RPS6KA2: variants seen among roughly 807,000 people sequenced by gnomAD.
RPS6KA2 encodes ribosomal protein S6 kinase alpha-2.
RPS6KA2 carries 42 observed loss-of-function variants against 91.8 expected under a neutral mutation model. The observed-to-expected ratio is 0.46, with a 90% CI of 0.36 to 0.59. RPS6KA2 has a LOEUF of 0.59. Ranked by LOEUF, RPS6KA2 falls within the 20% of genes least tolerant of loss-of-function variation. RPS6KA2 has a pLI of 0.00. For missense variants in RPS6KA2, 798 were observed against 978.5 expected (o/e 0.82, Z 2.46); for synonymous variants, 414 against 393.6 (o/e 1.05, Z -0.61).
intron 2 of RPS6KA2, among the ~76,000 whole-genome samples, chr6:166,738,394 G>A (rs770116452): frequency 6.6e-6 from 1 of 152,142 alleles, no homozygotes; most frequent in Non-Finnish European, 1.5e-5. Context: ...GATGGTCCAG[G>A]GAGAAGAAAA....
intron 1 of RPS6KA2, among the ~76,000 whole-genome samples, chr6:166,559,066 T>C (rs1784262573): frequency 6.6e-6 from 1 of 152,232 alleles, no homozygotes; most frequent in Non-Finnish European, 1.5e-5. Flanking sequence ...ATAAACTTGC[T>C]ATGCTCCATC....
chr6:166,850,330 TA>T (rs11307248), intron 2 of RPS6KA2, among the ~76,000 whole-genome samples: 53,305 of 149,988 alleles, frequency 0.36, 9,964 homozygotes, highest in East Asian at 0.67. Flanking sequence ...TCCACTCAAT[TA>T]AAAAAAAAAC....
chr6:166,538,930 G>GTTT, intron 1 of RPS6KA2, 146 bp from the exon 2 acceptor site: 1 of 506,410 alleles, frequency 2.0e-6, no homozygotes, highest in African/African-American at 2.0e-5. Flanking sequence ...CCATTTAGTT[G>GTTT]TGTTTTTTTC....
intron 2 of RPS6KA2, among the ~76,000 whole-genome samples, chr6:166,673,989 T>C (rs1490036041): frequency 1.3e-5 from 2 of 152,254 alleles, no homozygotes; most frequent in African/African-American, 4.8e-5. Context: ...TATGGAGCTG[T>C]TGCTATCTTC....
chr6:166,432,434 G>A lies in RPS6KA2; in HGVS notation c.1389C>T (p.Tyr463=), dbSNP rs117157669. The change falls in exon 15 of 21, where the codon TAC becomes TAT. Residue 463 remains tyrosine, a synonymous_variant. Transcript: ENST00000265678. ...GGGTGATGATGTTCGGGTGCTGGCC[G>A]TACCGCAGGAGGATCTCAATCTCTT... is the stretch of plus-strand genomic sequence containing the variant. The part of the protein sequence containing the change: ...PSEEIEILLR[Y]GQHPNIITLK... 1.9e-5 allele frequency: 31 copies of A among 1,613,548 alleles called. No individual in the cohort carries two copies. The highest frequency in any genetic ancestry group is 2.3e-5 in the Non-Finnish European group (27 of 1,179,548).
chr6:166,601,080 G>A (rs1383940556), intron 1 of RPS6KA2, among the ~76,000 whole-genome samples: 1 of 152,174 alleles, frequency 6.6e-6, no homozygotes, highest in Non-Finnish European at 1.5e-5. Context: ...AACTAACCAC[G>A]TGGCCTATCT....
intron 2 of RPS6KA2, among the ~76,000 whole-genome samples, chr6:166,751,566 G>C (rs1401764357): frequency 5.9e-5 from 9 of 152,240 alleles, no homozygotes; most frequent in Non-Finnish European, 1.2e-4. Flanking sequence ...TTCTCTGCTG[G>C]CCTAGGTGTC....
Position 166,595,735 on chromosome 6 carries a change from C to T in RPS6KA2, c.99+31186G>A, listed in dbSNP as rs536531967. On this transcript the variant is annotated intron_variant, in intron 1 of 20. Transcript: ENST00000265678. ...AATGATCTTAAGGAAGTCATTCTGT[C>T]CTTACATGATCTACCAGTCAAGGAA... Among the ~76,000 whole-genome samples, 6 of 152,318 alleles carry T rather than the reference C, an allele frequency of 3.9e-5. No homozygotes were observed. In the South Asian group the frequency reaches 1.2e-3, roughly 32 times the overall value.
chr6:166,447,038 A>G (rs892495091), intron 14 of RPS6KA2, among the ~76,000 whole-genome samples: 15 of 152,234 alleles, frequency 9.9e-5, no homozygotes, highest in African/African-American at 3.6e-4. Flanking sequence ...CTGGGTATGC[A>G]GATGGTAGGC....
At chr6:166,708,158 T>C (rs987227840) in intron 2 of RPS6KA2, among the ~76,000 whole-genome samples, 5 of 152,252 alleles carry the variant, frequency 3.3e-5, no homozygotes, top group Admixed American at 6.5e-5. Context: ...GTGTTTTTTA[T>C]TGGATCTAGA....
Position 166,448,031 on chromosome 6 carries a change from T to C in RPS6KA2, c.1332+693A>G, listed in dbSNP as rs3752927. On this transcript the variant is annotated intron_variant, in intron 14 of 20. Transcript: ENST00000265678. This position sits in a 1 kb window ranked among gnomAD's most constrained non-coding sequence, Gnocchi z 4.7. Reference sequence around the variant, plus strand: ...CCACATTTTACTAACCAAAAATCTCTAGAAACTGGTATTCTGGATTCCCAG... The same window carrying C: ...CCACATTTTACTAACCAAAAATCTCCAGAAACTGGTATTCTGGATTCCCAG... 0.67 allele frequency among the ~76,000 whole-genome samples: 101,419 copies of C among 152,106 alleles called. 34,097 individuals are homozygous for C. The highest frequency in any genetic ancestry group is 0.79 in the East Asian group (4,069 of 5,180).
intron 2 of RPS6KA2, among the ~76,000 whole-genome samples, chr6:166,641,467 T>C (rs1787429254): frequency 6.6e-6 from 1 of 151,914 alleles, no homozygotes; most frequent in African/African-American, 2.4e-5. Context: ...CTCATGCTTA[T>C]AATCCCAGCA....
chr6:166,760,094 C>T (rs1312823061), intron 2 of RPS6KA2, among the ~76,000 whole-genome samples: 1 of 152,116 alleles, frequency 6.6e-6, no homozygotes, highest in African/African-American at 2.4e-5. Flanking sequence ...TTCAAATACA[C>T]AGGAATAAAA....
intron 2 of RPS6KA2, among the ~76,000 whole-genome samples, chr6:166,683,005 G>C (rs987159311): frequency 2.0e-5 from 3 of 152,168 alleles, no homozygotes; most frequent in African/African-American, 7.2e-5. Flanking sequence ...GAGAAACTAG[G>C]GGAAGGCCTA....
Position 166,418,424 on chromosome 6 carries a change from G to A in RPS6KA2, c.1821-82C>T, listed in dbSNP as rs554431995. On this transcript the variant is annotated intron_variant, in intron 18 of 20. Coordinates refer to ENST00000265678, the MANE Select transcript of RPS6KA2 (RefSeq NM_021135.6). This position sits in a 1 kb window ranked among gnomAD's most constrained non-coding sequence, Gnocchi z 4.9. ...GTTTGCAAGTTGATATCACCCCTTG[G>A]CTGTTCAAAGGAATAGCACTTTGCT... 53 of 1,023,800 alleles carry A rather than the reference G, an allele frequency of 5.2e-5. No individual in the cohort carries two copies. Among genetic ancestry groups the A allele is most frequent in the Non-Finnish European group, 8.0e-5 (52 of 651,982 alleles). The allele number at this position is 1,023,800 out of a possible 1,614,324, so 63.4% of individuals were successfully genotyped here. A position where few individuals can be genotyped will look rare whatever the true frequency, so the allele number is the denominator to read the frequency against.
upstream of RPS6KA2, among the ~76,000 whole-genome samples, chr6:166,628,427 T>C (rs1786975510): frequency 1.3e-5 from 2 of 152,268 alleles, no homozygotes; most frequent in African/African-American, 4.8e-5. Context: ...CTTGCTCTTT[T>C]GCAGTGCGAA....
intron 1 of RPS6KA2, among the ~76,000 whole-genome samples, chr6:166,591,877 C>T (rs1336684556): frequency 1.3e-5 from 2 of 152,178 alleles, no homozygotes; most frequent in Non-Finnish European, 2.9e-5. Flanking sequence ...CTGAGTTCCA[C>T]AAGACAGAAG....
chr6:166,772,200 T>C (rs1669281720), intron 2 of RPS6KA2, among the ~76,000 whole-genome samples: 2 of 152,316 alleles, frequency 1.3e-5, no homozygotes, highest in East Asian at 1.9e-4. Flanking sequence ...ACTCCCTTTC[T>C]TTCTATGGGA....
At chr6:166,599,592 T>C (rs183314133) in intron 1 of RPS6KA2, among the ~76,000 whole-genome samples, 32 of 152,266 alleles carry the variant, frequency 2.1e-4, no homozygotes, top group Middle Eastern at 3.4e-3. Context: ...AGCAGGTCAC[T>C]TGCAGGATGA....
Sources: gnomAD v4.1 joint callset for allele counts (sites outside exome capture counted in the v4.1 genomes callset) on GRCh38, gnomAD v4.1.1 for gene constraint, Gnocchi (gnomAD v3.1) non-coding constraint, MANE v1.5 for transcripts, NCBI Gene and HGNC (gene_info 2026-07-23, HGNC 2026-07-21) for gene names.